The following RNF169 variants were observed in gnomAD, a reference collection of about 807,000 sequenced individuals.
RNF169 encodes ring finger protein 169.
RNF169 carries 24 observed loss-of-function variants against 53.9 expected under a neutral mutation model. The ratio of observed to expected loss-of-function variants is 0.45; its 90% confidence interval spans 0.32 to 0.63. The LOEUF (loss-of-function observed/expected upper bound fraction) is 0.63. RNF169 is among the 20% of genes least tolerant of loss of function. The probability of loss-of-function intolerance (pLI) is 0.04; values close to 1 mark genes in which losing one functional copy is unlikely to be tolerated. For missense variants in RNF169, 883 were observed against 906.2 expected (o/e 0.97, Z 0.33); for synonymous variants, 396 against 363.5 (o/e 1.09, Z -1.02).
intron 1 of RNF169, among the ~76,000 whole-genome samples, chr11:74,784,844 A>G (rs565582744): frequency 7.2e-5 from 11 of 152,302 alleles, no homozygotes; most frequent in African/African-American, 2.2e-4. Context: ...AAGGATAGAC[A>G]TCTTCTCCCA....
At position 74,836,842 on chromosome 11, in the gene RNF169, A is replaced by T. The variant is rs1269295241; in HGVS notation, c.*112A>T. 1.2e-6 allele frequency: 1 copy of T among 823,398 alleles called. No homozygotes were observed. Among genetic ancestry groups the T allele is most frequent in the Non-Finnish European group, 1.9e-6 (1 of 538,844 alleles). The allele number at this position is 823,398 out of a possible 1,614,324, so 51.0% of individuals were successfully genotyped here. On this transcript the variant is annotated 3_prime_UTR_variant, in exon 6 of 6. Coordinates refer to ENST00000299563, the MANE Select transcript of RNF169 (RefSeq NM_001098638.2). ...TTTTAATGGCAAAACACTGTCTAAT[A>T]TGGTTCTGAGAGGTTCCAGGGCCTT...
chr11:74,779,972 G>C (rs2035393664), intron 1 of RNF169, among the ~76,000 whole-genome samples: 1 of 152,100 alleles, frequency 6.6e-6, no homozygotes, highest in South Asian at 2.1e-4. Context: ...ATTGTGCCCG[G>C]CTAAGCAGGT....
intron 1 of RNF169, among the ~76,000 whole-genome samples, chr11:74,765,528 C>T (rs972513561): frequency 3.9e-5 from 6 of 152,072 alleles, no homozygotes; most frequent in South Asian, 2.1e-4. Context: ...CAGCCGGGTG[C>T]GGTGGCTCAC....
intron 4 of RNF169, among the ~76,000 whole-genome samples, chr11:74,820,666 C>T (rs2035997885): frequency 6.6e-6 from 1 of 152,034 alleles, no homozygotes; most frequent in South Asian, 2.1e-4. Context: ...GTTTACCAGC[C>T]TGCTTATTAA....
Sources: gnomAD v4.1 joint callset for allele counts (sites outside exome capture counted in the v4.1 genomes callset) on GRCh38, gnomAD v4.1.1 for gene constraint, MANE v1.5 for transcripts, NCBI Gene and HGNC (gene_info 2026-07-23, HGNC 2026-07-21) for gene names.